The following EHBP1 variants were observed in gnomAD, a reference collection of about 807,000 sequenced individuals.
EHBP1 encodes the protein EH domain-binding protein 1.
Under a neutral mutation model 144.0 loss-of-function variants are expected in EHBP1, and 55 were observed. The observed-to-expected ratio is 0.38, with a 90% confidence interval of 0.31 to 0.48. EHBP1 has a LOEUF of 0.48. EHBP1 is among the 20% of genes least tolerant of loss of function. EHBP1 has a pLI of 0.98. For missense variants in EHBP1, 1,200 were observed against 1,364.2 expected, an observed-to-expected ratio of 0.88 and a Z score of 1.90; for synonymous variants, 469 against 472.7, an observed-to-expected ratio of 0.99 and a Z score of 0.10.
At chr2:63,023,767 A>G (rs902364850) in intron 19 of EHBP1, among the ~76,000 whole-genome samples, 1 of 152,214 alleles carries the variant, frequency 6.6e-6, no homozygotes, top group Non-Finnish European at 1.5e-5. Context: ...TCATGGCTAT[A>G]TCTGTTGTGC....
rs183114098 is a variant in EHBP1, at chr2:62,863,704, C to T, written c.758-1027C>T. Among the ~76,000 whole-genome samples, 175 of 151,970 alleles carry T rather than the reference C, an allele frequency of 1.2e-3. 1 individual carries two copies. The highest frequency in any genetic ancestry group is 2.0e-3 in the Non-Finnish European group (134 of 67,974). On this transcript the variant is annotated intron_variant, in intron 8 of 22. Coordinates refer to ENST00000431489, the MANE Select transcript of EHBP1 (RefSeq NM_001142616.3). ...GTTCAGTGGCCTGTGAGTATATATA[C>T]GACACAGGACAGAATGAATTATCAG...
chr2:62,883,010 A>G (rs1324298779), intron 10 of EHBP1, among the ~76,000 whole-genome samples: 4 of 152,194 alleles, frequency 2.6e-5, no homozygotes, highest in Admixed American at 2.6e-4. Context: ...CACACTATAC[A>G]TATACACACA....
intron 5 of EHBP1, among the ~76,000 whole-genome samples, chr2:62,785,041 C>A (rs2042707583): frequency 6.6e-6 from 1 of 151,462 alleles, no homozygotes. Flanking sequence ...CTTTTTTTTA[C>A]TGTAGCTGTA....
rs540688865 is a variant in EHBP1, at chr2:62,812,833, A to G, written c.313-13254A>G. 1.4e-3 allele frequency among the ~76,000 whole-genome samples: 218 copies of G among 152,298 alleles called. 1 individual carries two copies. The highest frequency in any genetic ancestry group is 2.6e-3 in the Non-Finnish European group (179 of 68,034). On this transcript the variant is annotated intron_variant, in intron 5 of 22. Transcript: ENST00000431489. Reference sequence around the variant, plus strand: ...AAATTATTTAAAGACAGAATTTATAATTAAAAGGAAAGCAGAATACAAAAA... The same window carrying G: ...AAATTATTTAAAGACAGAATTTATAGTTAAAAGGAAAGCAGAATACAAAAA...
chr2:62,968,439 C>A (rs1417529202), intron 14 of EHBP1, among the ~76,000 whole-genome samples: 1 of 152,090 alleles, frequency 6.6e-6, no homozygotes, highest in African/African-American at 2.4e-5. Context: ...TCTGTATATA[C>A]ACATACAGAG....
At chr2:62,946,787 TA>T (rs992748476) in intron 12 of EHBP1, among the ~76,000 whole-genome samples, 1 of 152,212 alleles carries the variant, frequency 6.6e-6, no homozygotes, top group African/African-American at 2.4e-5. Flanking sequence ...TAACCTTGCT[TA>T]AAAGAAACCT....
At chr2:62,832,438 CTTTTTTTT>C (rs202005406) in intron 7 of EHBP1, among the ~76,000 whole-genome samples, 8 of 117,820 alleles carry the variant, frequency 6.8e-5, no homozygotes, top group African/African-American at 2.2e-4. Context: ...TTTCTTTTTT[CTTTTTTTT>C]TTTTTTTTTT....
intron 6 of EHBP1, among the ~76,000 whole-genome samples, chr2:62,827,029 G>A (rs2046389267): frequency 6.6e-6 from 1 of 152,216 alleles, no homozygotes; most frequent in Non-Finnish European, 1.5e-5. Context: ...GACTTAAAAG[G>A]TGAGGGGAAA....
chr2:62,705,623 T>C (rs2034469309), upstream of EHBP1: 1 of 152,278 alleles, frequency 6.6e-6, no homozygotes, highest in African/African-American at 2.4e-5. Flanking sequence ...CCAGCCGCTG[T>C]AAGACCCGGC....
At chr2:62,710,354 T>C (rs1158896136) in intron 2 of EHBP1, among the ~76,000 whole-genome samples, 1 of 151,906 alleles carries the variant, frequency 6.6e-6, no homozygotes, top group Admixed American at 6.6e-5. Flanking sequence ...TATATGAACA[T>C]ATTTTATATT....
chr2:62,865,803 A>C (rs1174535837), intron 9 of EHBP1, among the ~76,000 whole-genome samples: 1 of 152,186 alleles, frequency 6.6e-6, no homozygotes, highest in Non-Finnish European at 1.5e-5. Context: ...TGCAGTTCAG[A>C]GAGAAAAAAA....
At chr2:62,858,459 T>C in intron 7 of EHBP1, 1 of 1,612,142 alleles carries the variant, frequency 6.2e-7, no homozygotes, top group Non-Finnish European at 8.5e-7. Flanking sequence ...TCAAGATGAC[T>C]GCATAAAGCA....
chr2:62,882,183 G>A (rs997706552), intron 10 of EHBP1, among the ~76,000 whole-genome samples: 2 of 152,120 alleles, frequency 1.3e-5, no homozygotes, highest in African/African-American at 4.8e-5. Context: ...TGTTTTAGAG[G>A]GAGAGTTTGT....
rs564779105 is a variant in EHBP1, at chr2:62,979,203, C to T, written c.2476C>T (p.Arg826Ter). The change falls in exon 15 of 23, where the codon CGA becomes TGA. Residue 826 changes from arginine to a stop codon, truncating the protein, a stop_gained. Coordinates refer to ENST00000431489, the MANE Select transcript of EHBP1 (RefSeq NM_001142616.3). LOFTEE classifies it high-confidence loss of function. ...TATATCTTAGCAGCAAGATGAAGAG[C>T]GACGTCGGCAGCTGAGAGAGAGAGC... ...RQLSDQQDEE[R>*]RRQLRERARQ... 3.7e-6 allele frequency: 6 copies of T among 1,612,396 alleles called. No homozygotes were observed. The highest frequency in any genetic ancestry group is 1.7e-5 in the Admixed American group (1 of 59,776).
chr2:62,912,620 TACA>T (rs1029699603), intron 10 of EHBP1, among the ~76,000 whole-genome samples: 1 of 152,208 alleles, frequency 6.6e-6, no homozygotes, highest in East Asian at 1.9e-4. Flanking sequence ...CAAGTTGAGA[TACA>T]ACAAGTATAG....
chr2:62,894,362 C>T (rs938407916), intron 10 of EHBP1, among the ~76,000 whole-genome samples: 1 of 152,132 alleles, frequency 6.6e-6, no homozygotes, highest in Non-Finnish European at 1.5e-5. Context: ...ATGCACTCCT[C>T]ATTAGAGGTT....
intron 5 of EHBP1, among the ~76,000 whole-genome samples, chr2:62,812,534 A>G (rs1172531835): frequency 6.6e-6 from 1 of 152,134 alleles, no homozygotes; most frequent in Non-Finnish European, 1.5e-5. Flanking sequence ...TTCAGCTGTG[A>G]TTAGGATGCC....
intron 21 of EHBP1, among the ~76,000 whole-genome samples, chr2:63,042,960 A>G (rs185240082): frequency 7.2e-5 from 11 of 152,224 alleles, no homozygotes; most frequent in East Asian, 1.9e-4. Context: ...ATAATTATAA[A>G]TCAAAGCTTA....
At chr2:62,752,587 T>G (rs2039855021) in intron 3 of EHBP1, among the ~76,000 whole-genome samples, 1 of 152,164 alleles carries the variant, frequency 6.6e-6, no homozygotes. Context: ...GGTGTTGAAG[T>G]CTCCCATTAT....
Sources: gnomAD v4.1 joint callset for allele counts (sites outside exome capture counted in the v4.1 genomes callset) on GRCh38, gnomAD v4.1.1 for gene constraint, MANE v1.5 for transcripts, NCBI Gene and HGNC (gene_info 2026-07-23, HGNC 2026-07-21) for gene names.